The following NBEA variants were observed in gnomAD, a reference collection of about 807,000 sequenced individuals.
NBEA encodes the protein lysosomal-trafficking regulator 2.
A neutral mutation model predicts 343.4 loss-of-function variants in NBEA; 44 were observed. The observed-to-expected ratio is 0.13, with a 90% confidence interval of 0.10 to 0.16. The LOEUF (loss-of-function observed/expected upper bound fraction) is 0.16, where lower values mean the gene tolerates loss of function less well. Ranked by LOEUF, NBEA falls within the 10% of genes least tolerant of loss-of-function variation. The pLI is 1.00. For synonymous variants in NBEA, 1,175 were observed against 1,238.7 expected, an observed-to-expected ratio of 0.95 and a Z score of 1.08; for missense variants, 2,555 against 3,631.3, an observed-to-expected ratio of 0.70 and a Z score of 7.62.
At chr13:35,075,891 A>G (rs1318576079) in intron 10 of NBEA, among the ~76,000 whole-genome samples, 1 of 152,040 alleles carries the variant, frequency 6.6e-6, no homozygotes, top group African/African-American at 2.4e-5. Context: ...TAGAAGTGAC[A>G]TGAAAATCCT....
At chr13:35,489,051 T>G (rs2152972271) in intron 41 of NBEA, among the ~76,000 whole-genome samples, 1 of 151,968 alleles carries the variant, frequency 6.6e-6, no homozygotes, top group Non-Finnish European at 1.5e-5. Flanking sequence ...TGAATTTCTT[T>G]AAGTGCAGGC....
intron 35 of NBEA, among the ~76,000 whole-genome samples, chr13:35,294,787 G>A (rs1328278983): frequency 6.6e-6 from 1 of 152,172 alleles, no homozygotes; most frequent in African/African-American, 2.4e-5. Flanking sequence ...TGGGTCCTAT[G>A]TACCAACAAT....
At chr13:35,375,548 T>C (rs2152887254) in intron 38 of NBEA, among the ~76,000 whole-genome samples, 1 of 152,274 alleles carries the variant, frequency 6.6e-6, no homozygotes, top group East Asian at 1.9e-4. Flanking sequence ...TAAACATACA[T>C]ATTTACAGAT....
chr13:35,192,234 A>G (rs1045373414), intron 30 of NBEA, among the ~76,000 whole-genome samples: 14 of 152,002 alleles, frequency 9.2e-5, no homozygotes, highest in African/African-American at 3.4e-4. Flanking sequence ...TAAATCCTCA[A>G]AGTACTTTAG....
intron 39 of NBEA, among the ~76,000 whole-genome samples, chr13:35,444,410 A>C (rs771890556): frequency 9.9e-5 from 15 of 152,050 alleles, no homozygotes; most frequent in Non-Finnish European, 2.2e-4. Flanking sequence ...CAAAGTATTC[A>C]TGTAATTAAT....
intron 52 of NBEA, 139 bp downstream of exon 52, chr13:35,649,986 T>C (rs2084438005): frequency 1.1e-6 from 1 of 875,732 alleles, no homozygotes; most frequent in Non-Finnish European, 1.7e-6. Context: ...AATTGTCAAA[T>C]CCAACTAAGG....
chr13:34,948,114 T>C (rs1427165326), intron 1 of NBEA, among the ~76,000 whole-genome samples: 2 of 152,234 alleles, frequency 1.3e-5, no homozygotes, highest in African/African-American at 4.8e-5. Context: ...TTGCCAAGAA[T>C]AGTGGACATC....
At chr13:35,168,037 CAA>C (rs1183858244) in intron 24 of NBEA, among the ~76,000 whole-genome samples, 2 of 151,628 alleles carry the variant, frequency 1.3e-5, no homozygotes, top group Admixed American at 6.6e-5. Flanking sequence ...CCAAAAATAA[CAA>C]AGTCTTAATT....
At chr13:35,285,679 G>C (rs750824825) in intron 34 of NBEA, among the ~76,000 whole-genome samples, 13 of 152,134 alleles carry the variant, frequency 8.5e-5, no homozygotes, top group Non-Finnish European at 1.6e-4. Context: ...ACCATCTTGA[G>C]CTCAAGCTTT....
chr13:35,129,762 A>G (rs2067315360), intron 17 of NBEA, among the ~76,000 whole-genome samples: 1 of 152,176 alleles, frequency 6.6e-6, no homozygotes, highest in African/African-American at 2.4e-5. Flanking sequence ...CAGATTTTGG[A>G]AGTAAAATGA....
At chr13:35,048,537 T>C (rs1293952626) in intron 4 of NBEA, 26 bp from the exon 5 acceptor site, 2 of 1,594,724 alleles carry the variant, frequency 1.3e-6, no homozygotes, top group Non-Finnish European at 1.7e-6. Context: ...ACTGATACTT[T>C]CGTACCTTTT....
At chr13:35,550,401 T>G (rs2079260856) in intron 41 of NBEA, 76 bp from the exon 42 acceptor site, 1 of 777,620 alleles carries the variant, frequency 1.3e-6, no homozygotes, top group Admixed American at 2.8e-5. Flanking sequence ...TTCTGACTTT[T>G]ACTAAGTTAC....
chr13:35,219,547 ACATG>A (rs2074249293), intron 33 of NBEA, among the ~76,000 whole-genome samples: 1 of 152,166 alleles, frequency 6.6e-6, no homozygotes, highest in Non-Finnish European at 1.5e-5. Flanking sequence ...ATATGAATAT[ACATG>A]CATATACACA....
intron 38 of NBEA, among the ~76,000 whole-genome samples, chr13:35,406,085 A>G (rs2043253699): frequency 6.6e-6 from 1 of 152,142 alleles, no homozygotes; most frequent in Non-Finnish European, 1.5e-5. Flanking sequence ...GAAGAGTGAA[A>G]ATGCAATTCC....
At chr13:34,987,569 G>T (rs995066138) in intron 1 of NBEA, among the ~76,000 whole-genome samples, 2 of 150,896 alleles carry the variant, frequency 1.3e-5, no homozygotes, top group African/African-American at 4.8e-5. Flanking sequence ...AGTTCTCCTG[G>T]ATAAGATCCT....
intron 17 of NBEA, among the ~76,000 whole-genome samples, chr13:35,135,626 A>G (rs1434456816): frequency 6.6e-6 from 1 of 152,046 alleles, no homozygotes; most frequent in Non-Finnish European, 1.5e-5. Flanking sequence ...AGATGAACAA[A>G]TAAGTAAAAA....
chr13:35,325,381 C>T (rs1446581130), intron 36 of NBEA, among the ~76,000 whole-genome samples: 2 of 151,758 alleles, frequency 1.3e-5, no homozygotes, highest in East Asian at 3.9e-4. Context: ...TACAGGGATA[C>T]AATGCATAAT....
chr13:35,127,486 A>G (rs2067192696), intron 17 of NBEA, among the ~76,000 whole-genome samples: 1 of 152,192 alleles, frequency 6.6e-6, no homozygotes, highest in Non-Finnish European at 1.5e-5. Context: ...CTTTTTATAT[A>G]TGCTAATAAT....
chr13:35,185,403 A>G (rs753791996), intron 30 of NBEA: 27 of 152,314 alleles, frequency 1.8e-4, no homozygotes, highest in Middle Eastern at 3.4e-3. Context: ...AACTTGATGA[A>G]TGTACAAATA....
Sources: allele counts gnomAD v4.1 joint callset (sites outside exome capture counted in the v4.1 genomes callset), GRCh38; gene constraint gnomAD v4.1.1; transcripts MANE v1.5; gene names NCBI Gene and HGNC (gene_info 2026-07-23, HGNC 2026-07-21).